The following TTC29 variants were observed in gnomAD, a reference collection of about 807,000 sequenced individuals.
TTC29 encodes tetratricopeptide repeat domain 29.
A neutral mutation model predicts 58.1 loss-of-function variants in TTC29; 49 were observed. That is an observed-to-expected ratio of 0.84 (90% CI 0.67 to 1.07). TTC29 has a LOEUF of 1.07. Among genes scored for constraint, TTC29 ranks in the 50% least tolerant of loss-of-function variants. The pLI is 0.00. For missense variants in TTC29, 582 were observed against 555.6 expected, an observed-to-expected ratio of 1.05 and a Z score of -0.48; for synonymous variants, 209 against 196.8, an observed-to-expected ratio of 1.06 and a Z score of -0.52.
intron 11 of TTC29, among the ~76,000 whole-genome samples, chr4:146,779,361 G>A (rs1292521017): frequency 6.6e-6 from 1 of 151,962 alleles, no homozygotes; most frequent in Non-Finnish European, 1.5e-5. Context: ...TGTTACCAAT[G>A]TCTAGGTATA....
chr4:146,894,211 C>T (rs1293219379), intron 6 of TTC29, among the ~76,000 whole-genome samples: 1 of 152,068 alleles, frequency 6.6e-6, no homozygotes, highest in Admixed American at 6.6e-5. Context: ...AATCATGCTG[C>T]TATAAAGACA....
chr4:146,803,167 C>T (rs1750351840), intron 11 of TTC29, among the ~76,000 whole-genome samples: 1 of 151,848 alleles, frequency 6.6e-6, no homozygotes. Context: ...TTCCTTATGC[C>T]TCATCAGTAC....
intron 11 of TTC29, among the ~76,000 whole-genome samples, chr4:146,785,495 A>ATTG (rs1748943357): frequency 6.6e-6 from 1 of 152,164 alleles, no homozygotes; most frequent in South Asian, 2.1e-4. Flanking sequence ...TTGTGCTGTA[A>ATTG]TTGTTAATAC....
At chr4:146,723,367 G>T (rs1743518860) in intron 11 of TTC29, among the ~76,000 whole-genome samples, 1 of 152,100 alleles carries the variant, frequency 6.6e-6, no homozygotes, top group South Asian at 2.1e-4. Flanking sequence ...AACAATTGCA[G>T]CAGAAACAAA....
At chr4:146,782,152 A>C (rs1435507276) in intron 11 of TTC29, among the ~76,000 whole-genome samples, 1 of 151,858 alleles carries the variant, frequency 6.6e-6, no homozygotes, top group Non-Finnish European at 1.5e-5. Context: ...GATTTCTGGC[A>C]TTCTGATTTA....
intron 7 of TTC29, among the ~76,000 whole-genome samples, chr4:146,873,306 T>C (rs1033816736): frequency 6.6e-6 from 1 of 152,176 alleles, no homozygotes; most frequent in Admixed American, 6.6e-5. Context: ...TATTGTGTAA[T>C]CCTTTAACCT....
intron 4 of TTC29, among the ~76,000 whole-genome samples, chr4:146,913,471 G>A (rs180700825): frequency 1.3e-5 from 2 of 152,014 alleles, no homozygotes; most frequent in Admixed American, 6.6e-5. Context: ...CCAATCCCAC[G>A]TTGTGTGTAG....
At chr4:146,864,425 T>C (rs2150204708) in intron 8 of TTC29, among the ~76,000 whole-genome samples, 1 of 152,334 alleles carries the variant, frequency 6.6e-6, no homozygotes, top group South Asian at 2.1e-4. Context: ...ATAATAATTA[T>C]TGAAGGTTTA....
At chr4:146,786,986 T>C (rs926456384) in intron 11 of TTC29, among the ~76,000 whole-genome samples, 3 of 152,062 alleles carry the variant, frequency 2.0e-5, no homozygotes, top group African/African-American at 7.2e-5. Context: ...CTGGGTGTGG[T>C]GGTATGCACC....
At chr4:146,835,981 A>T (rs1345985119) in intron 8 of TTC29, among the ~76,000 whole-genome samples, 1 of 152,152 alleles carries the variant, frequency 6.6e-6, no homozygotes, top group East Asian at 1.9e-4. Flanking sequence ...CATTGGAGAC[A>T]GATGCAGCCT....
intron 9 of TTC29, 130 bp downstream of exon 9, chr4:146,833,676 G>T (rs1044138302): frequency 1.4e-6 from 1 of 699,928 alleles, no homozygotes; most frequent in Non-Finnish European, 2.6e-6. Flanking sequence ...ATGATGAAAG[G>T]GTCACTTAAG....
chr4:146,737,760 A>G (rs991054526), intron 11 of TTC29, among the ~76,000 whole-genome samples: 2 of 152,012 alleles, frequency 1.3e-5, no homozygotes, highest in African/African-American at 4.8e-5. Flanking sequence ...GAACAAACAA[A>G]CTGTTCAGCC....
intron 9 of TTC29, among the ~76,000 whole-genome samples, chr4:146,822,010 G>C (rs1327797514): frequency 8.1e-6 from 1 of 123,498 alleles, no homozygotes; most frequent in East Asian, 2.3e-4. Context: ...TTTTTTTCTG[G>C]GTTTTCTAAG....
At chr4:146,944,728 A>G (rs1403787881) in intron 2 of TTC29, among the ~76,000 whole-genome samples, 1 of 152,236 alleles carries the variant, frequency 6.6e-6, no homozygotes, top group Non-Finnish European at 1.5e-5. Context: ...CATAAGAATT[A>G]AAACTTTTCA....
chr4:146,867,396 G>A (rs1018674809), intron 8 of TTC29, 102 bp downstream of exon 8: 2 of 522,638 alleles, frequency 3.8e-6, no homozygotes, highest in Non-Finnish European at 6.5e-6. Context: ...ACCTATGTCA[G>A]GCCTAACTCA....
intron 11 of TTC29, among the ~76,000 whole-genome samples, chr4:146,740,948 CTG>C (rs1339954012): frequency 6.6e-6 from 1 of 152,092 alleles, no homozygotes; most frequent in Non-Finnish European, 1.5e-5. Flanking sequence ...GTTCAAACTC[CTG>C]GGCTCAAACA....
chr4:146,794,826 C>T (rs989393627), intron 11 of TTC29, among the ~76,000 whole-genome samples: 2 of 152,110 alleles, frequency 1.3e-5, no homozygotes, highest in Admixed American at 6.5e-5. Flanking sequence ...CCAGGGTACA[C>T]GTGCAGGATG....
chr4:146,807,815 G>A (rs1052988610), intron 10 of TTC29, among the ~76,000 whole-genome samples: 2 of 152,144 alleles, frequency 1.3e-5, no homozygotes, highest in African/African-American at 2.4e-5. Context: ...GAGGTACAAA[G>A]AGGAGCTGGT....
intron 6 of TTC29, among the ~76,000 whole-genome samples, chr4:146,877,022 A>T (rs986168137): frequency 6.6e-6 from 1 of 151,924 alleles, no homozygotes; most frequent in African/African-American, 2.4e-5. Context: ...GTCAGCGAAG[A>T]TACATACAGA....
Sources: gnomAD v4.1 joint callset for allele counts (sites outside exome capture counted in the v4.1 genomes callset) on GRCh38, gnomAD v4.1.1 for gene constraint, MANE v1.5 for transcripts, NCBI Gene and HGNC (gene_info 2026-07-23, HGNC 2026-07-21) for gene names.